The following ITGBL1 variants were observed in gnomAD, a reference collection of about 807,000 sequenced individuals.
The protein encoded by ITGBL1 is integrin beta-like protein 1.
ITGBL1 carries 51 observed loss-of-function variants against 68.5 expected under a neutral mutation model. That is an observed-to-expected ratio of 0.74 (90% CI 0.59 to 0.94). The LOEUF (loss-of-function observed/expected upper bound fraction) is 0.94. Ranked by LOEUF, ITGBL1 falls within the 40% of genes least tolerant of loss-of-function variation. The probability of loss-of-function intolerance (pLI) is 0.00; values close to 1 mark genes in which losing one functional copy is unlikely to be tolerated. For synonymous variants in ITGBL1, 209 were observed against 227.3 expected, an observed-to-expected ratio of 0.92 and a Z score of 0.72; for missense variants, 649 against 647.4, an observed-to-expected ratio of 1.00 and a Z score of -0.03.
At chr13:101,676,773 C>T (rs1204078474) in intron 7 of ITGBL1, among the ~76,000 whole-genome samples, 4 of 151,922 alleles carry the variant, frequency 2.6e-5, no homozygotes, top group African/African-American at 7.3e-5. Flanking sequence ...GAAAAGGAGT[C>T]GGTTGAAGAA....
chr13:101,493,070 A>G (rs1056743829), intron 2 of ITGBL1, among the ~76,000 whole-genome samples: 5 of 152,150 alleles, frequency 3.3e-5, no homozygotes, highest in Admixed American at 1.3e-4. Flanking sequence ...AATGGGTGGA[A>G]GGGGAGGTAG....
intron 8 of ITGBL1, among the ~76,000 whole-genome samples, chr13:101,705,387 CT>C (rs1347704909): frequency 4.0e-5 from 6 of 151,386 alleles, no homozygotes; most frequent in Admixed American, 3.3e-4. Context: ...GATCAAAAAC[CT>C]TTTCACCACA....
At chr13:101,600,313 C>T (rs1202269571) in intron 7 of ITGBL1, among the ~76,000 whole-genome samples, 2 of 152,218 alleles carry the variant, frequency 1.3e-5, no homozygotes, top group African/African-American at 2.4e-5. Context: ...GCTGAAGTTG[C>T]CTATCAGCTT....
At chr13:101,556,939 A>T (rs1034358088) in intron 2 of ITGBL1, among the ~76,000 whole-genome samples, 1 of 152,186 alleles carries the variant, frequency 6.6e-6, no homozygotes, top group Admixed American at 6.5e-5. Context: ...TAGGAAACTA[A>T]TATGATGGAT....
At chr13:101,547,905 G>GTA (rs1566726564) in intron 2 of ITGBL1, among the ~76,000 whole-genome samples, 1 of 145,468 alleles carries the variant, frequency 6.9e-6, no homozygotes, top group Non-Finnish European at 1.5e-5. Context: ...ATCTCTGTGT[G>GTA]TGTGTATATA....
chr13:101,702,875 T>G (rs758048996), intron 8 of ITGBL1, among the ~76,000 whole-genome samples: 10 of 152,248 alleles, frequency 6.6e-5, no homozygotes, highest in Non-Finnish European at 1.5e-4. Flanking sequence ...GAAGTAAAGA[T>G]GTACTCAATT....
intron 7 of ITGBL1, among the ~76,000 whole-genome samples, chr13:101,684,896 A>C (rs531285082): frequency 6.6e-6 from 1 of 151,984 alleles, no homozygotes; most frequent in East Asian, 1.9e-4. Context: ...CTAGTAAAAC[A>C]CTTTATTTAC....
intron 3 of ITGBL1, among the ~76,000 whole-genome samples, chr13:101,573,108 A>C (rs900104748): frequency 2.0e-5 from 3 of 152,130 alleles, no homozygotes; most frequent in Non-Finnish European, 4.4e-5. Flanking sequence ...ACAACATAAC[A>C]GATAACAAGA....
At chr13:101,671,758 T>A (rs1284426131) in intron 7 of ITGBL1, among the ~76,000 whole-genome samples, 1 of 152,154 alleles carries the variant, frequency 6.6e-6, no homozygotes, top group Non-Finnish European at 1.5e-5. Flanking sequence ...CTTTGTAAAC[T>A]AAAGTGGAAA....
intron 7 of ITGBL1, among the ~76,000 whole-genome samples, chr13:101,650,433 A>G (rs2032708003): frequency 6.6e-6 from 1 of 152,014 alleles, no homozygotes; most frequent in African/African-American, 2.4e-5. Flanking sequence ...TTATATCATG[A>G]CCCTTATTTC....
rs1254889175 is a variant in ITGBL1 at position 101,641,922 on chromosome 13, A to G, written c.1015+43623A>G. ...CTTTTTTATGGCTACATAGTATTCC[A>G]TGGAGTATATGTGCCACATTTTCTT... is the stretch of plus-strand genomic sequence containing the variant. On this transcript the variant is annotated intron_variant, in intron 7 of 10. Transcript: ENST00000376180. Among the ~76,000 whole-genome samples, 5 of 151,978 alleles carry G rather than the reference A, an allele frequency of 3.3e-5. No homozygotes were observed. The South Asian group carries it at 6.2e-4, about 19-fold the overall frequency.
intron 7 of ITGBL1, among the ~76,000 whole-genome samples, chr13:101,665,680 G>A (rs9518480): frequency 0.17 from 25,132 of 151,918 alleles, 2,692 homozygotes; most frequent in Admixed American, 0.27. Context: ...CATTCTTGTC[G>A]TGCTCCCAAT....
intron 7 of ITGBL1, among the ~76,000 whole-genome samples, chr13:101,634,264 T>G (rs2032090813): frequency 6.6e-6 from 1 of 152,182 alleles, no homozygotes; most frequent in African/African-American, 2.4e-5. Context: ...GAACTGAGAT[T>G]TTGATCTTTG....
intron 7 of ITGBL1, among the ~76,000 whole-genome samples, chr13:101,636,907 A>T (rs1402964106): frequency 2.6e-5 from 4 of 152,132 alleles, no homozygotes; most frequent in Non-Finnish European, 4.4e-5. Context: ...ATCACATCAA[A>T]TTTTTTGTGA....
chr13:101,606,174 T>TATATA (rs1555361917), intron 7 of ITGBL1, among the ~76,000 whole-genome samples: 1 of 138,042 alleles, frequency 7.2e-6, no homozygotes. Flanking sequence ...ATTAGGATTT[T>TATATA]TATATATATA....
chr13:101,711,811 AGG>A (rs2034480989), intron 9 of ITGBL1: 1 of 152,216 alleles, frequency 6.6e-6, no homozygotes, highest in African/African-American at 2.4e-5. Context: ...AACATTCTCA[AGG>A]GTCCTTATAT....
chr13:101,569,561 A>G (rs1480043197), intron 3 of ITGBL1, among the ~76,000 whole-genome samples: 1 of 152,140 alleles, frequency 6.6e-6, no homozygotes, highest in Non-Finnish European at 1.5e-5. Flanking sequence ...TACAGGATTC[A>G]GACTATTGAA....
intron 2 of ITGBL1, among the ~76,000 whole-genome samples, chr13:101,512,848 A>G (rs1157830721): frequency 6.6e-6 from 1 of 152,168 alleles, no homozygotes; most frequent in Non-Finnish European, 1.5e-5. Context: ...ATATTATAAC[A>G]GAATAAATTA....
chr13:101,568,956 T>C (rs2050225205), intron 3 of ITGBL1, among the ~76,000 whole-genome samples: 1 of 151,994 alleles, frequency 6.6e-6, no homozygotes, highest in African/African-American at 2.4e-5. Context: ...CATATTTCTC[T>C]AGCACTTCAG....
Sources: allele counts gnomAD v4.1 joint callset (sites outside exome capture counted in the v4.1 genomes callset), GRCh38; gene constraint gnomAD v4.1.1; transcripts MANE v1.5; gene names NCBI Gene and HGNC (gene_info 2026-07-23, HGNC 2026-07-21).